Variants in PIAS3 observed in about 807,000 individuals in gnomAD.
PIAS3 encodes the protein E3 SUMO-protein ligase PIAS3.
PIAS3 carries 34 observed loss-of-function variants against 67.6 expected under a neutral mutation model. That is an observed-to-expected ratio of 0.50 (90% CI 0.38 to 0.67). The LOEUF (loss-of-function observed/expected upper bound fraction) is 0.67. PIAS3 is among the 30% of genes least tolerant of loss of function. The probability of loss-of-function intolerance (pLI) is 0.00; values close to 1 mark genes in which losing one functional copy is unlikely to be tolerated. For missense variants in PIAS3, 693 were observed against 791.6 expected (o/e 0.88, Z 1.49); for synonymous variants, 341 against 313.8 (o/e 1.09, Z -0.92).
Position 145,849,452 on chromosome 1 carries a change from C to T in PIAS3, c.1881G>A (p.Leu627=). 6.7e-7 allele frequency: 1 copy of T among 1,498,518 alleles called. No homozygotes were observed. The highest frequency in any genetic ancestry group is 8.9e-7 in the Non-Finnish European group (1 of 1,128,424). The allele number at this position is 1,498,518 out of a possible 1,614,324, so 92.8% of individuals were successfully genotyped here. A position where few individuals can be genotyped will look rare whatever the true frequency, so the allele number is the denominator to read the frequency against. Residue 627 remains leucine (L), a synonymous_variant, in exon 14 of 14, where the codon CTG becomes CTA. Transcript: ENST00000393045. Reference sequence around the variant, plus strand: ...TTTCCATAATCCAGGGAACTCAGTCCAGGGAAATGATGTCTGACCGACAGC... The same window carrying T: ...TTTCCATAATCCAGGGAACTCAGTCTAGGGAAATGATGTCTGACCGACAGC... ...LTGCRSDIIS[L]D is the part of the protein sequence containing the mutation.
chr1:145,849,948 G>A, intron 13 of PIAS3: 1 of 1,424,760 alleles, frequency 7.0e-7, no homozygotes, highest in Non-Finnish European at 9.1e-7. Flanking sequence ...CGTCTGAAAT[G>A]TGTGGAATGT....
Position 145,856,674 on chromosome 1 carries a change from C to A in PIAS3, c.357G>T (p.Leu119=). ...TGACATCAGGGTGCACAGGCTGGGG[C>A]AGAGGGGGGTGCATGTCCACCTCAC... The part of the protein sequence containing the change: ...PKREVDMHPP[L]PQPVHPDVTM... The change falls in exon 2 of 14, where the codon CTG becomes CTT. Residue 119 remains leucine (L), a synonymous_variant. Coordinates refer to ENST00000393045, the MANE Select transcript of PIAS3 (RefSeq NM_006099.3). The A allele has an allele frequency of 6.2e-7, 1 of 1,606,926 alleles. No individual in the cohort carries two copies.
rs782815546 is a variant in PIAS3 at position 145,854,848 on chromosome 1, C to T, written c.702G>A (p.Glu234=). The T allele has an allele frequency of 3.1e-6, 5 of 1,614,172 alleles. No individual in the cohort carries two copies. Among genetic ancestry groups the T allele is most frequent in the Non-Finnish European group, 4.2e-6 (5 of 1,180,028 alleles). The change falls in exon 6 of 14, where the codon GAG becomes GAA. Residue 234 remains glutamate, a synonymous_variant. Coordinates refer to ENST00000393045, the MANE Select transcript of PIAS3 (RefSeq NM_006099.3). ...TGATGGGGCGGCTGGGCCTCTTGGG[C>T]TCGGCCCCATTCTTGGTTGGGGGAA... ...GYLPPTKNGA[E]PKRPSRPINI...
chr1:145,855,960 G>A, intron 4 of PIAS3, 108 bp downstream of exon 4: 3 of 1,067,170 alleles, frequency 2.8e-6, no homozygotes, highest in Admixed American at 1.7e-5. Flanking sequence ...TCGCAGGGCT[G>A]CAGTAGGCAG....
intron 11 of PIAS3, 44 bp downstream of exon 11, chr1:145,850,727 T>C (rs1652923994): frequency 6.2e-7 from 1 of 1,609,122 alleles, no homozygotes; most frequent in South Asian, 1.1e-5. Flanking sequence ...TCCTGACTTC[T>C]TCCCCTGTCC....
At chr1:145,852,522 A>T (rs1400296321) in intron 9 of PIAS3, among the ~76,000 whole-genome samples, 1 of 151,334 alleles carries the variant, frequency 6.6e-6, no homozygotes, top group Admixed American at 6.6e-5. Context: ...ATGTGTAATG[A>T]TACTACCTAT....
chr1:145,849,854 C>T lies in PIAS3; in HGVS notation c.1621-142G>A, dbSNP rs143043497. 4 of 1,476,488 alleles carry T rather than the reference C, an allele frequency of 2.7e-6. No individual in the cohort carries two copies. In the African/African-American group the frequency reaches 5.7e-5, roughly 21 times the overall value. The allele number at this position is 1,476,488 out of a possible 1,614,324, so 91.5% of individuals were successfully genotyped here. ...TCTTGAGAAGCAGGAGAGCCTCTCC[C>T]TCTTTCCCCTACTTCCCTACACCCT... On this transcript the variant is annotated intron_variant, in intron 13 of 13. Transcript: ENST00000393045.
rs1570776711 is a variant in PIAS3 at position 145,854,767 on chromosome 1, A to G, written c.783T>C (p.Asn261=). 1 of 1,614,170 alleles carries G rather than the reference A, an allele frequency of 6.2e-7. No individual in the cohort carries two copies. Residue 261 remains asparagine (N), a synonymous_variant, in exon 6 of 14, where the codon AAT becomes AAC. Transcript: ENST00000393045. ...SATVPNTIVV[N]WSSEFGRNYS... ...TCACCCGTCCGAACTCAGATGACCA[A>G]TTGACCACAATGGTGTTGGGAACAG...
rs1296859064 is a variant in PIAS3 at position 145,853,631 on chromosome 1, CACG to C, written c.1015_1017del (p.Arg339del). 4 of 1,613,856 alleles carry C rather than the reference CACG, an allele frequency of 2.5e-6. No individual in the cohort carries two copies. Among genetic ancestry groups the C allele is most frequent in the African/African-American group, 2.7e-5 (2 of 74,868 alleles). ...CTCTGCAGGTGGGCGCAGGTGAGGGCACGACAAGGGACAGTCAGGCGCATCTTC... is the reference window on the plus strand; with the variant it reads ...CTCTGCAGGTGGGCGCAGGTGAGGGCACAAGGGACAGTCAGGCGCATCTTC... On this transcript the variant is annotated inframe_deletion, in exon 9 of 14. Coordinates refer to ENST00000393045, the MANE Select transcript of PIAS3 (RefSeq NM_006099.3).
At chr1:145,855,637 C>T (rs1299453696) in intron 5 of PIAS3, 99 bp downstream of exon 5, 1 of 720,078 alleles carries the variant, frequency 1.4e-6, no homozygotes, top group Non-Finnish European at 2.5e-6. Flanking sequence ...ATGTGCCACG[C>T]ACTGTGCTAG....
rs782208875 is a variant in PIAS3 at position 145,851,222 on chromosome 1, A to C, written c.1146-69T>G. ...GCAGAACAGTAGCCAGAGTTCTGTA[A>C]CTCACCTTCCTGTATCTCAGTTTCC... On this transcript the variant is annotated intron_variant, in intron 9 of 13. Transcript: ENST00000393045. 1,241 of 1,487,140 alleles carry C rather than the reference A, an allele frequency of 8.3e-4. 4 individuals carry two copies. The highest frequency in any genetic ancestry group is 1.0e-3 in the Non-Finnish European group (1,070 of 1,068,602). The allele number at this position is 1,487,140 out of a possible 1,614,324, so 92.1% of individuals were successfully genotyped here.
chr1:145,856,860 G>C lies in PIAS3; in HGVS notation c.171C>G (p.Ile57Met). Residue 57 changes from isoleucine (I) to methionine (M), a missense_variant, in exon 2 of 14, where the codon ATC becomes ATG. Physicochemically the swap from Ile to Met is conservative, Grantham distance 10 (BLOSUM62 1). Coordinates refer to ENST00000393045, the MANE Select transcript of PIAS3 (RefSeq NM_006099.3). ...GAAAGCGTCGTCGGTAAAGCTCTTT[G>C]ATCTTCATCTGGACACTAGGGGCAC... ...SSCAPSVQMK[I>M]KELYRRRFPR... is the part of the protein sequence containing the mutation. 1 of 1,614,138 alleles carries C rather than the reference G, an allele frequency of 6.2e-7. No individual in the cohort carries two copies. Among genetic ancestry groups the C allele is most frequent in the Non-Finnish European group, 8.5e-7 (1 of 1,179,998 alleles).
At chr1:145,851,959 C>CAAA (rs782076715) in intron 9 of PIAS3, among the ~76,000 whole-genome samples, 2 of 58,766 alleles carry the variant, frequency 3.4e-5, no homozygotes, top group Admixed American at 1.9e-4. Flanking sequence ...AACACCGTCT[C>CAAA]AAAAAAAAAA....
chr1:145,855,063 A>T (rs1269586760), intron 5 of PIAS3, among the ~76,000 whole-genome samples, 183 bp from the exon 6 acceptor site: 1 of 152,168 alleles, frequency 6.6e-6, no homozygotes, highest in Non-Finnish European at 1.5e-5. Context: ...GTCTAGGGTT[A>T]TGTGTGGGGT....
chr1:145,849,711 T>A lies in PIAS3; in HGVS notation c.1622A>T (p.His541Leu). 1 of 1,581,534 alleles carries A rather than the reference T, an allele frequency of 6.3e-7. No individual in the cohort carries two copies. The change falls in exon 14 of 14, where the codon CAC becomes CTC. Residue 541 changes from histidine to leucine, a missense_variant and splice_region_variant. Coordinates refer to ENST00000393045, the MANE Select transcript of PIAS3 (RefSeq NM_006099.3). ...LFSFLQTESQ[H>L]YGPSVITSLD... ...TGAGGTGATGACAGAGGGGCCATAG[T>A]GCTAGGAAGAATCAAGGGCATAGTT...
At position 145,856,871 on chromosome 1, in the gene PIAS3, G is replaced by A; in HGVS notation, c.160C>T (p.Gln54Ter). 6.2e-7 allele frequency: 1 copy of A among 1,614,138 alleles called. No homozygotes were observed. The highest frequency in any genetic ancestry group is 8.5e-7 in the Non-Finnish European group (1 of 1,180,006). The change falls in exon 2 of 14, where the codon CAG becomes TAG. Residue 54 changes from glutamine to a stop codon, truncating the protein, a stop_gained. Transcript: ENST00000393045. LOFTEE classifies it high-confidence loss of function. Reference sequence around the variant, plus strand: ...CGGTAAAGCTCTTTGATCTTCATCTGGACACTAGGGGCACAGCTGGACTTC... The same window carrying A: ...CGGTAAAGCTCTTTGATCTTCATCTAGACACTAGGGGCACAGCTGGACTTC... ...LLKSSCAPSV[Q>*]MKIKELYRRR...
At position 145,854,736 on chromosome 1, in the gene PIAS3, C is replaced by T. The variant is rs782393481; in HGVS notation, c.804+10G>A. On this transcript the variant is annotated intron_variant, in intron 6 of 13. Transcript: ENST00000393045. ...AGGCTTTTCCAGGCACCTGCTTTAG[C>T]TGTGCTCACCCGTCCGAACTCAGAT... 3.1e-6 allele frequency: 5 copies of T among 1,614,206 alleles called. No homozygotes were observed. In the South Asian group the frequency reaches 4.4e-5, roughly 14 times the overall value.
Position 145,850,756 on chromosome 1 carries a change from C to T in PIAS3, c.1448+15G>A. ...CCTGTCCGTTTTGCTGTAGACTCAG[C>T]CTATTTTCTCATACCCTTTGCTTCC... On this transcript the variant is annotated intron_variant, in intron 11 of 13. Coordinates refer to ENST00000393045, the MANE Select transcript of PIAS3 (RefSeq NM_006099.3). 1 of 1,613,736 alleles carries T rather than the reference C, an allele frequency of 6.2e-7. No individual in the cohort carries two copies.
intron 7 of PIAS3, chr1:145,854,204 T>G (rs1190638117): frequency 5.0e-6 from 3 of 596,564 alleles, no homozygotes; most frequent in Non-Finnish European, 8.9e-6. Context: ...GAGCCCATAT[T>G]CTAGCAGGGC....
Sources: gnomAD v4.1 joint callset for allele counts (sites outside exome capture counted in the v4.1 genomes callset) on GRCh38, gnomAD v4.1.1 for gene constraint, MANE v1.5 for transcripts, NCBI Gene and HGNC (gene_info 2026-07-23, HGNC 2026-07-21) for gene names.